The following WDPCP variants were observed in gnomAD, a reference collection of about 807,000 sequenced individuals.
WDPCP encodes the protein WD repeat containing planar cell polarity effector.
WDPCP carries 71 observed loss-of-function variants against 93.1 expected under a neutral mutation model. The observed-to-expected ratio is 0.76, with a 90% CI of 0.63 to 0.93. The LOEUF (loss-of-function observed/expected upper bound fraction) is 0.93, where lower values mean the gene tolerates loss of function less well. WDPCP is among the 40% of genes least tolerant of loss of function. The pLI, the probability that WDPCP is intolerant of heterozygous loss-of-function variation, is 0.00. For synonymous variants in WDPCP, 315 were observed against 315.0 expected, an observed-to-expected ratio of 1.00 and a Z score of 0.00; for missense variants, 844 against 887.4, an observed-to-expected ratio of 0.95 and a Z score of 0.62.
chr2:63,792,637 G>A (rs1670561159), intron 2 of WDPCP, among the ~76,000 whole-genome samples: 1 of 152,200 alleles, frequency 6.6e-6, no homozygotes, highest in African/African-American at 2.4e-5. Context: ...GGCAGAGCAT[G>A]AAAGAGCTTG....
upstream of WDPCP, among the ~76,000 whole-genome samples, chr2:63,832,533 A>G (rs571905736): frequency 3.9e-5 from 6 of 152,278 alleles, no homozygotes; most frequent in Admixed American, 1.3e-4. Context: ...TCTGCAAACA[A>G]TCTATTACTG....
intron 2 of WDPCP, among the ~76,000 whole-genome samples, chr2:63,658,992 GTCA>G (rs1417014452): frequency 1.3e-5 from 2 of 152,184 alleles, no homozygotes; most frequent in African/African-American, 4.8e-5. Flanking sequence ...AGCTATAGTT[GTCA>G]TCATATTGCT....
In WDPCP at chr2:63,523,112, A is replaced by C. The variant is rs146559682; in HGVS notation, c.76-30172T>G. ...CACATCATAAAGCTAATCCACCACA[A>C]TCAAGTAGGCATCATCCCTAGGATG... On this transcript the variant is annotated intron_variant, in intron 1 of 17. Transcript: ENST00000272321. Among the ~76,000 whole-genome samples, 32 of 152,328 alleles carry C rather than the reference A, an allele frequency of 2.1e-4. 1 individual carries two copies. The East Asian group carries it at 5.6e-3, about 27-fold the overall frequency.
intron 1 of WDPCP, among the ~76,000 whole-genome samples, chr2:63,535,756 G>A (rs991701688): frequency 4.6e-5 from 7 of 152,134 alleles, no homozygotes; most frequent in African/African-American, 1.4e-4. Context: ...AACCATAAAA[G>A]CCCTAGAAGA....
intron 3 of WDPCP, among the ~76,000 whole-genome samples, chr2:63,649,762 T>G (rs1394354765): frequency 6.6e-6 from 1 of 152,198 alleles, no homozygotes; most frequent in Non-Finnish European, 1.5e-5. Context: ...CTGACTCCTT[T>G]TCCCAGAAAG....
intron 2 of WDPCP, among the ~76,000 whole-genome samples, chr2:63,669,075 G>A (rs762117252): frequency 3.3e-5 from 5 of 152,146 alleles, no homozygotes; most frequent in African/African-American, 1.2e-4. Flanking sequence ...CGAATGCTTA[G>A]GTCAGTAACA....
chr2:63,730,623 C>T (rs1250413269), intron 2 of WDPCP, among the ~76,000 whole-genome samples: 1 of 152,066 alleles, frequency 6.6e-6, no homozygotes, highest in Non-Finnish European at 1.5e-5. Context: ...ACCACCATAC[C>T]TGGCTAATTT....
chr2:63,531,145 C>G (rs1281860580), intron 1 of WDPCP, among the ~76,000 whole-genome samples: 8 of 152,240 alleles, frequency 5.3e-5, no homozygotes, highest in Non-Finnish European at 1.2e-4. Flanking sequence ...GGGGGAGGGG[C>G]ATCTGCCATT....
chr2:63,129,227 T>C (rs1479642421), intron 17 of WDPCP, among the ~76,000 whole-genome samples: 1 of 152,254 alleles, frequency 6.6e-6, no homozygotes, highest in African/African-American at 2.4e-5. Flanking sequence ...GTGACTAATG[T>C]TGCTATGAAC....
At chr2:63,617,441 A>C (rs1229088747) in intron 3 of WDPCP, among the ~76,000 whole-genome samples, 2 of 152,208 alleles carry the variant, frequency 1.3e-5, no homozygotes, top group Non-Finnish European at 2.9e-5. Context: ...GACATAGATT[A>C]ATAGGAGAAA....
Position 63,733,241 on chromosome 2 carries a change from G to A in WDPCP, n.308+80381C>T, listed in dbSNP as rs374784418. 5.2e-5 allele frequency among the ~76,000 whole-genome samples: 7 copies of A among 134,776 alleles called. No individual in the cohort carries two copies. In the East Asian group the frequency reaches 8.3e-4, roughly 16 times the overall value. The allele number at this position is 134,776 out of a possible 152,430, so 88.4% of individuals were successfully genotyped here. ...GGAGTCTCGCTCTGTCGCCCAGGCC[G>A]GACTGCGGACTGCAGTGGCGCAATC... On this transcript the variant is annotated intron_variant and non_coding_transcript_variant, in intron 2 of 4. Transcript: ENST00000467687.
intron 3 of WDPCP, among the ~76,000 whole-genome samples, chr2:63,627,189 T>C (rs1709819240): frequency 6.6e-6 from 1 of 152,188 alleles, no homozygotes; most frequent in African/African-American, 2.4e-5. Context: ...GAACACAACA[T>C]TTAGTTGAAA....
chr2:63,614,704 A>G (rs1709654821), intron 3 of WDPCP, among the ~76,000 whole-genome samples: 2 of 151,998 alleles, frequency 1.3e-5, no homozygotes, highest in African/African-American at 4.8e-5. Context: ...ACCTAGAAAG[A>G]CCTCTTTTTC....
chr2:63,347,890 G>C (rs1689309373), intron 12 of WDPCP, among the ~76,000 whole-genome samples: 1 of 152,042 alleles, frequency 6.6e-6, no homozygotes, highest in Non-Finnish European at 1.5e-5. Context: ...TTTAAAATTA[G>C]TATCATTCAA....
chr2:63,720,880 C>T (rs866684192), intron 2 of WDPCP, among the ~76,000 whole-genome samples: 2 of 152,190 alleles, frequency 1.3e-5, no homozygotes, highest in Non-Finnish European at 1.5e-5. Context: ...ATCTAAATTA[C>T]CTTGTACATT....
intron 9 of WDPCP, among the ~76,000 whole-genome samples, chr2:63,412,016 C>T (rs1429215662): frequency 6.6e-6 from 1 of 152,128 alleles, no homozygotes; most frequent in Non-Finnish European, 1.5e-5. Flanking sequence ...ACAACCTTCC[C>T]TACTTCATTC....
intron 1 of WDPCP, chr2:63,571,316 T>A (rs967059484): frequency 1.6e-5 from 7 of 446,888 alleles, no homozygotes; most frequent in South Asian, 1.1e-4. Flanking sequence ...ATGTTATAAT[T>A]TTTAAACTTA....
intron 13 of WDPCP, among the ~76,000 whole-genome samples, chr2:63,268,383 A>C (rs1682337677): frequency 6.6e-6 from 1 of 152,228 alleles, no homozygotes; most frequent in Non-Finnish European, 1.5e-5. Context: ...CCGTAGGAAT[A>C]AGTTTAGTGA....
intron 12 of WDPCP, among the ~76,000 whole-genome samples, chr2:63,344,785 C>T (rs1460513028): frequency 6.6e-6 from 1 of 152,180 alleles, no homozygotes; most frequent in African/African-American, 2.4e-5. Context: ...CTGGAAACCA[C>T]CAGACTGGTC....
Sources: gnomAD v4.1 joint callset for allele counts (sites outside exome capture counted in the v4.1 genomes callset) on GRCh38, gnomAD v4.1.1 for gene constraint, MANE v1.5 for transcripts, NCBI Gene and HGNC (gene_info 2026-07-23, HGNC 2026-07-21) for gene names.